The following NLGN4X variants were observed in gnomAD, a reference collection of about 807,000 sequenced individuals.
The protein encoded by NLGN4X is neuroligin-4, X-linked.
NLGN4X carries 3 observed loss-of-function variants against 40.3 expected under a neutral mutation model. The observed-to-expected ratio is 0.07, with a 90% confidence interval of 0.03 to 0.19. NLGN4X has a LOEUF of 0.19. Among genes scored for constraint, NLGN4X ranks in the 10% least tolerant of loss-of-function variants. The probability of loss-of-function intolerance (pLI) is 1.00; values close to 1 mark genes in which losing one functional copy is unlikely to be tolerated. For missense variants in NLGN4X, 382 were observed against 708.3 expected, an observed-to-expected ratio of 0.54 and a Z score of 5.23; for synonymous variants, 270 against 306.8, an observed-to-expected ratio of 0.88 and a Z score of 1.25.
intron 1 of NLGN4X, among the ~76,000 whole-genome samples, chrX:6,191,752 G>A (rs113847072): frequency 0.058 from 6,445 of 110,979 alleles, 480 homozygotes; most frequent in African/African-American, 0.2. Flanking sequence ...CCAGCTACTC[G>A]GGAGGCTGAG....
chrX:6,007,506 T>C (rs1305684199), intron 3 of NLGN4X, among the ~76,000 whole-genome samples: 1 of 112,229 alleles, frequency 8.9e-6, no homozygotes, highest in Admixed American at 9.5e-5. Context: ...AAAAAGCAAA[T>C]AAAAGCAGGT....
rs2031176194 is a variant in NLGN4X at position 5,891,587 on chromosome X, C to T, written c.*1230G>A. The T allele has an allele frequency of 1.6e-5, 4 of 247,409 alleles. No homozygotes were observed. In the East Asian group the frequency reaches 5.3e-4, roughly 33 times the overall value. The allele number at this position is 247,409 out of a possible 1,213,427, so 20.4% of individuals were successfully genotyped here. On this transcript the variant is annotated 3_prime_UTR_variant, in exon 6 of 6. Coordinates refer to ENST00000381095, the MANE Select transcript of NLGN4X (RefSeq NM_181332.3). ...ATTTACTCCAAGGGGCATAGCCCCA[C>T]CAAAGGCAAGCTTTCTTCTTTTTTT...
chrX:6,225,581 C>T (rs756131201), intron 1 of NLGN4X, among the ~76,000 whole-genome samples: 2 of 105,635 alleles, frequency 1.9e-5, no homozygotes, highest in South Asian at 8.7e-4. Context: ...CTTAAGCATG[C>T]ACTTCTATGT....
At chrX:6,041,007 T>C (rs1295330014) in intron 2 of NLGN4X, among the ~76,000 whole-genome samples, 1 of 111,762 alleles carries the variant, frequency 8.9e-6, no homozygotes, top group African/African-American at 3.3e-5. Flanking sequence ...ATCTGTGTCT[T>C]TCTGGATTTG....
intron 3 of NLGN4X, among the ~76,000 whole-genome samples, chrX:5,998,818 T>C (rs1015326169): frequency 3.5e-5 from 4 of 112,900 alleles, no homozygotes; most frequent in African/African-American, 9.6e-5. Flanking sequence ...GAGAAATTGA[T>C]ACGGGGTGCA....
rs755766762 is a variant in NLGN4X, at chrX:6,164,525, G to T, written c.-305-12754C>A. On this transcript the variant is annotated intron_variant, in intron 1 of 5. Coordinates refer to ENST00000381095, the MANE Select transcript of NLGN4X (RefSeq NM_181332.3). ...GGGTCTGCAGATGGTTGATCATGTGGACAGTTGGAGGTTAATGTGGACAAG... is the reference window on the plus strand; with the variant it reads ...GGGTCTGCAGATGGTTGATCATGTGTACAGTTGGAGGTTAATGTGGACAAG... Among the ~76,000 whole-genome samples, 183 of 112,164 alleles carry T rather than the reference G, an allele frequency of 1.6e-3. No individual in the cohort carries two copies. The Middle Eastern group carries it at 0.032, about 20-fold the overall frequency.
rs745648010 is a variant in NLGN4X, at chrX:6,198,875, A to T, written c.-306+29666T>A. ...TGAAGATGTAGGCCTACACAAACAC[A>T]CACAAAAACAGGAAAATACAAAGGT... On this transcript the variant is annotated intron_variant, in intron 1 of 5. Coordinates refer to ENST00000381095, the MANE Select transcript of NLGN4X (RefSeq NM_181332.3). Among the ~76,000 whole-genome samples the T allele has an allele frequency of 2.7e-5, 3 of 111,799 alleles. No individual in the cohort carries two copies. The South Asian group carries it at 1.1e-3, about 42-fold the overall frequency.
chrX:6,054,961 T>A (rs1348753049), intron 2 of NLGN4X, among the ~76,000 whole-genome samples: 1 of 112,264 alleles, frequency 8.9e-6, no homozygotes, highest in Non-Finnish European at 1.9e-5. Context: ...CAGCAGGAAT[T>A]AAATTTTTAA....
chrX:6,011,884 T>C lies in NLGN4X; in HGVS notation c.625+17396A>G, dbSNP rs149309832. On this transcript the variant is annotated intron_variant, in intron 3 of 5. Transcript: ENST00000381095. ...ATCTTGGGTTCTGGTAAATCAGATA[T>C]GTTCTAAAGAGAAGGCTATGAAACA... is the stretch of plus-strand genomic sequence containing the variant. Among the ~76,000 whole-genome samples the C allele has an allele frequency of 2.4e-3, 269 of 111,644 alleles. 1 individual carries two copies. Among genetic ancestry groups the C allele is most frequent in the African/African-American group, 6.7e-3 (205 of 30,712 alleles).
chrX:6,040,003 C>T (rs1056730027), intron 2 of NLGN4X, among the ~76,000 whole-genome samples: 2 of 112,021 alleles, frequency 1.8e-5, no homozygotes, highest in Admixed American at 1.9e-4. Context: ...AGTCACACAA[C>T]TGTAGCTTAC....
At chrX:6,215,162 C>T (rs1383241443) in intron 1 of NLGN4X, among the ~76,000 whole-genome samples, 1 of 112,582 alleles carries the variant, frequency 8.9e-6, no homozygotes, top group East Asian at 2.8e-4. Flanking sequence ...AAAATTACTT[C>T]TAATTTTGTA....
At chrX:6,058,004 G>A (rs779881067) in intron 2 of NLGN4X, among the ~76,000 whole-genome samples, 9 of 111,005 alleles carry the variant, frequency 8.1e-5, no homozygotes, top group Non-Finnish European at 1.5e-4. Flanking sequence ...GAACATATCC[G>A]GTACTGAAAT....
chrX:6,102,145 T>C (rs2038922773), intron 2 of NLGN4X, among the ~76,000 whole-genome samples: 1 of 111,514 alleles, frequency 9.0e-6, no homozygotes, highest in African/African-American at 3.3e-5. Flanking sequence ...AATAATATAA[T>C]TTGATTGTTT....
intron 2 of NLGN4X, among the ~76,000 whole-genome samples, chrX:6,073,707 A>G (rs906672863): frequency 9.0e-6 from 1 of 111,285 alleles, no homozygotes. Context: ...GAAACCAGGA[A>G]AGAGCAAAAT....
intron 2 of NLGN4X, among the ~76,000 whole-genome samples, chrX:6,097,062 C>T (rs1382792361): frequency 1.2e-4 from 13 of 110,043 alleles, no homozygotes; most frequent in African/African-American, 4.0e-4. Context: ...GCATTTATTG[C>T]TAATTGTATA....
chrX:6,074,806 T>C (rs11797625), intron 2 of NLGN4X, among the ~76,000 whole-genome samples: 17,750 of 110,543 alleles, frequency 0.16, 1,339 homozygotes, highest in Admixed American at 0.24. Flanking sequence ...TAGCAGACAA[T>C]TGAAAGAACC....
intron 1 of NLGN4X, among the ~76,000 whole-genome samples, chrX:6,153,499 T>C (rs2040205478): frequency 8.9e-6 from 1 of 112,236 alleles, no homozygotes; most frequent in East Asian, 2.8e-4. Flanking sequence ...AAAGAGGTGA[T>C]GTCCTGTTTG....
chrX:6,087,140 T>A (rs771503880), intron 2 of NLGN4X, among the ~76,000 whole-genome samples: 9 of 112,276 alleles, frequency 8.0e-5, no homozygotes, highest in Non-Finnish European at 1.5e-4. Context: ...TTTTAAAATC[T>A]TAAATATAGG....
intron 3 of NLGN4X, among the ~76,000 whole-genome samples, chrX:5,996,833 G>A (rs1471232449): frequency 9.0e-6 from 1 of 110,798 alleles, no homozygotes; most frequent in African/African-American, 3.3e-5. Context: ...CTTCCCTCAA[G>A]TGATCCGCCG....
Sources: allele counts gnomAD v4.1 joint callset (sites outside exome capture counted in the v4.1 genomes callset), GRCh38; gene constraint gnomAD v4.1.1; transcripts MANE v1.5; gene names NCBI Gene and HGNC (gene_info 2026-07-23, HGNC 2026-07-21).